FCRL4: variants seen among roughly 807,000 people sequenced by gnomAD.
FCRL4 encodes the protein Fc receptor-like protein 4.
A neutral mutation model predicts 64.1 loss-of-function variants in FCRL4; 43 were observed. The observed-to-expected ratio is 0.67, with a 90% CI of 0.53 to 0.87. FCRL4 has a LOEUF of 0.87. FCRL4 is among the 40% of genes least tolerant of loss of function. FCRL4 has a pLI of 0.00. For missense variants in FCRL4, 656 were observed against 613.5 expected, an observed-to-expected ratio of 1.07 and a Z score of -0.73; for synonymous variants, 253 against 239.8, an observed-to-expected ratio of 1.05 and a Z score of -0.51.
intron 2 of FCRL4, among the ~76,000 whole-genome samples, chr1:157,595,902 G>A (rs1652951665): frequency 6.6e-6 from 1 of 152,226 alleles, no homozygotes; most frequent in Admixed American, 6.5e-5. Context: ...GTCTCCATGG[G>A]ATGCAGAAGT....
Position 157,589,713 on chromosome 1 carries a change from A to T in FCRL4, c.53-255T>A, listed in dbSNP as rs1188897606. Among the ~76,000 whole-genome samples, 24 of 152,302 alleles carry T rather than the reference A, an allele frequency of 1.6e-4. No individual in the cohort carries two copies. In the East Asian group the frequency reaches 4.6e-3, roughly 29 times the overall value. On this transcript the variant is annotated intron_variant, in intron 2 of 11. Transcript: ENST00000271532. ...AGGATCCACTCAGCAGTGATAGATGATGGGAGGCTCACAAACCCTCTTACT... is the reference window on the plus strand; with the variant it reads ...AGGATCCACTCAGCAGTGATAGATGTTGGGAGGCTCACAAACCCTCTTACT...
Position 157,574,400 on chromosome 1 carries a change from T to A in FCRL4, c.*1124A>T. The A allele has an allele frequency of 4.7e-6, 1 of 212,860 alleles. No homozygotes were observed. Among genetic ancestry groups the A allele is most frequent in the Non-Finnish European group, 9.5e-6 (1 of 105,178 alleles). 13.2% of individuals were successfully genotyped at this position (212,860 alleles called of 1,614,324 possible). A position where few individuals can be genotyped will look rare whatever the true frequency, so the allele number is the denominator to read the frequency against. On this transcript the variant is annotated 3_prime_UTR_variant, in exon 12 of 12. Coordinates refer to ENST00000271532, the MANE Select transcript of FCRL4 (RefSeq NM_031282.3). ...TCAGTTTTAACACTTGGGGCATGGA[T>A]AATTTGTAGGTGGTATTGTACACTT...
At chr1:157,590,282 T>C (rs982178369) in intron 2 of FCRL4, among the ~76,000 whole-genome samples, 11 of 152,262 alleles carry the variant, frequency 7.2e-5, no homozygotes, top group Admixed American at 3.3e-4. Context: ...TTTTCAGAGT[T>C]TGGAACATAC....
At chr1:157,592,851 G>T (rs888134950) in intron 2 of FCRL4, among the ~76,000 whole-genome samples, 13 of 152,184 alleles carry the variant, frequency 8.5e-5, no homozygotes, top group African/African-American at 2.9e-4. Context: ...GTCCATCAAT[G>T]ATAGACTGGA....
At chr1:157,578,422 T>C in intron 10 of FCRL4, 52 bp downstream of exon 10, 1 of 1,437,944 alleles carries the variant, frequency 7.0e-7, no homozygotes, top group Admixed American at 1.7e-5. Context: ...AGTAAATATT[T>C]GTTGAATGAA....
Position 157,581,631 on chromosome 1 carries a change from G to C in FCRL4, c.1149C>G (p.Asn383Lys). The change falls in exon 7 of 12, where the codon AAC becomes AAG. Residue 383 changes from asparagine (N) to lysine (K), a missense_variant. Transcript: ENST00000271532. Reference protein sequence around the residue: ...LNVTVRETPGNRDGLVAAGAT... With the variant: ...LNVTVRETPGKRDGLVAAGAT... ...CTCCCGCGGCGACAAGGCCATCTCTGTTGCCTGGGGTCTCTAAGGGGAAAG... is the reference window on the plus strand; with the variant it reads ...CTCCCGCGGCGACAAGGCCATCTCTCTTGCCTGGGGTCTCTAAGGGGAAAG... 6.2e-7 allele frequency: 1 copy of C among 1,613,652 alleles called. No individual in the cohort carries two copies. Among genetic ancestry groups the C allele is most frequent in the East Asian group, 2.2e-5 (1 of 44,840 alleles).
chr1:157,594,714 A>G (rs1399565141), intron 2 of FCRL4, among the ~76,000 whole-genome samples: 2 of 152,212 alleles, frequency 1.3e-5, no homozygotes, highest in African/African-American at 2.4e-5. Context: ...AAAACTTTAA[A>G]CATTCTTGCC....
intron 6 of FCRL4, among the ~76,000 whole-genome samples, chr1:157,582,331 C>T (rs9787104): frequency 0.33 from 50,391 of 151,850 alleles, 10,438 homozygotes; most frequent in East Asian, 0.68. Flanking sequence ...TTGACCTAAC[C>T]CTTGAAGACC....
intron 1 of FCRL4, 77 bp downstream of exon 1, chr1:157,597,834 TGCA>T: frequency 8.9e-7 from 1 of 1,119,652 alleles, no homozygotes; most frequent in Non-Finnish European, 1.3e-6. Flanking sequence ...AATCCATGAT[TGCA>T]GCAGCAGAAA....
chr1:157,588,773 T>C (rs1053365240), intron 3 of FCRL4, among the ~76,000 whole-genome samples: 1 of 152,112 alleles, frequency 6.6e-6, no homozygotes, highest in African/African-American at 2.4e-5. Flanking sequence ...GAGGGAAAAC[T>C]AGGAATGAGG....
chr1:157,584,139 C>T (rs565258317), intron 6 of FCRL4, among the ~76,000 whole-genome samples: 30 of 152,310 alleles, frequency 2.0e-4, no homozygotes, highest in African/African-American at 6.5e-4. Context: ...AATCTTTGAA[C>T]TTCCTGAGGT....
rs1452972485 is a variant in FCRL4, at chr1:157,574,295, C to T, written c.*1229G>A. The T allele has an allele frequency of 1.4e-5, 3 of 216,264 alleles. No homozygotes were observed. Among genetic ancestry groups the T allele is most frequent in the African/African-American group, 6.7e-5 (3 of 44,454 alleles). 13.4% of individuals were successfully genotyped at this position (216,264 alleles called of 1,614,324 possible). ...GTTTATGTTTTGCTGGTTGCAATCC[C>T]ATAATGTTATTTAAACAAATTCCTT... is the stretch of plus-strand genomic sequence containing the variant. On this transcript the variant is annotated 3_prime_UTR_variant, in exon 12 of 12. Transcript: ENST00000271532.
At chr1:157,585,392 T>C (rs1357706988) in intron 6 of FCRL4, among the ~76,000 whole-genome samples, 1 of 78,866 alleles carries the variant, frequency 1.3e-5, no homozygotes, top group Non-Finnish European at 2.9e-5. Flanking sequence ...CTTTCTTTCT[T>C]TCCTTCTTTC....
chr1:157,588,028 A>C lies in FCRL4; in HGVS notation c.399T>G (p.Ala133=). 1 of 1,613,458 alleles carries C rather than the reference A, an allele frequency of 6.2e-7. No homozygotes were observed. The highest frequency in any genetic ancestry group is 8.5e-7 in the Non-Finnish European group (1 of 1,179,672). ...CHRRRKEKLT[A]VKYTWNGNIL... is the part of the protein sequence containing the mutation. ...TGTTTCCATTCCAAGTATATTTCAC[A>C]GCAGTCAATTTCTCTTTCCTTCTTC... Residue 133 remains alanine, a synonymous_variant, in exon 4 of 12, where the codon GCT becomes GCG. Coordinates refer to ENST00000271532, the MANE Select transcript of FCRL4 (RefSeq NM_031282.3).
rs1223662086 is a variant in FCRL4 at position 157,585,342 on chromosome 1, CTCTCTTTCTTTCTT to C, written c.1135+812_1135+825del. The stretch of plus-strand genomic sequence containing the variant: ...TCCTTCCTTCTCTCTTTCTTTCTCT[CTCTCTTTCTTTCTT>C]TCTTTCTTTCTTTCTTTCTTTCTTT... On this transcript the variant is annotated intron_variant, in intron 6 of 11. Transcript: ENST00000271532. 4.3e-5 allele frequency among the ~76,000 whole-genome samples: 3 copies of C among 69,926 alleles called. No individual in the cohort carries two copies. The Admixed American group carries it at 4.3e-4, about 10-fold the overall frequency. 45.9% of individuals were successfully genotyped at this position (69,926 alleles called of 152,430 possible).
chr1:157,589,394 T>G lies in FCRL4; in HGVS notation c.117A>C (p.Arg39Ser). The G allele has an allele frequency of 6.2e-7, 1 of 1,614,170 alleles. No homozygotes were observed. Among genetic ancestry groups the G allele is most frequent in the Non-Finnish European group, 8.5e-7 (1 of 1,180,030 alleles). The part of the protein sequence containing the change: ...PPWTTFFKGE[R>S]VTLTCNGFQF... The stretch of plus-strand genomic sequence containing the variant: ...GAAATCCATTGCAAGTCAGAGTCAC[T>G]CTCTCTCCTTTGAAGAATGTGGTCC... Residue 39 changes from arginine (R) to serine (S), a missense_variant, in exon 3 of 12, where the codon AGA becomes AGC. Arg to Ser is a moderately radical substitution (Grantham distance 110). Transcript: ENST00000271532.
rs1362188048 is a variant in FCRL4 at position 157,596,456 on chromosome 1, C to T, written c.32-108G>A. On this transcript the variant is annotated intron_variant, in intron 1 of 11. Coordinates refer to ENST00000271532, the MANE Select transcript of FCRL4 (RefSeq NM_031282.3). ...TACTTCCAACCAAGAGGAAGAGAAACACGTTCCATTCCATCCATCCCAGGG... is the reference window on the plus strand; with the variant it reads ...TACTTCCAACCAAGAGGAAGAGAAATACGTTCCATTCCATCCATCCCAGGG... 2.0e-5 allele frequency: 25 copies of T among 1,234,202 alleles called. 1 individual carries two copies. The South Asian group carries it at 2.4e-4, about 12-fold the overall frequency. The allele number at this position is 1,234,202 out of a possible 1,614,324, so 76.5% of individuals were successfully genotyped here.
At chr1:157,586,577 G>T in intron 5 of FCRL4, 122 bp from the exon 6 acceptor site, 1 of 813,738 alleles carries the variant, frequency 1.2e-6, no homozygotes, top group Non-Finnish European at 1.9e-6. Flanking sequence ...GCAGGCACTA[G>T]CATTGTGGCC....
At position 157,586,275 on chromosome 1, in the gene FCRL4, T is replaced by C. The variant is rs1267989595; in HGVS notation, c.1028A>G (p.Glu343Gly). ...GRKTQRSLRA[E>G]LELPAIRQSH... ...CTGTCTGATGGCAGGGAGCTCCAGC[T>C]CTGCTCTCAGGGAACGCTGAGTTTT... Residue 343 changes from glutamate (E) to glycine (G), a missense_variant, in exon 6 of 12, where the codon GAG becomes GGG. Coordinates refer to ENST00000271532, the MANE Select transcript of FCRL4 (RefSeq NM_031282.3). The C allele has an allele frequency of 6.2e-7, 1 of 1,614,072 alleles. No individual in the cohort carries two copies. The highest frequency in any genetic ancestry group is 8.5e-7 in the Non-Finnish European group (1 of 1,180,006).
Sources: gnomAD v4.1 joint callset for allele counts (sites outside exome capture counted in the v4.1 genomes callset) on GRCh38, gnomAD v4.1.1 for gene constraint, MANE v1.5 for transcripts, NCBI Gene and HGNC (gene_info 2026-07-23, HGNC 2026-07-21) for gene names.